GSE1: variants seen among roughly 807,000 people sequenced by gnomAD.
The protein encoded by GSE1 is genetic suppressor element 1.
In GSE1, 32 loss-of-function variants were observed where a neutral mutation model predicts 112.6. The ratio of observed to expected loss-of-function variants is 0.28; its 90% CI spans 0.21 to 0.38. The LOEUF (loss-of-function observed/expected upper bound fraction) is 0.38. Ranked by LOEUF, GSE1 falls within the 10% of genes least tolerant of loss-of-function variation. GSE1 has a pLI of 1.00. For missense variants in GSE1, 2,348 were observed against 1,699.2 expected, an observed-to-expected ratio of 1.38 and a Z score of -6.71; for synonymous variants, 1,115 against 735.6, an observed-to-expected ratio of 1.52 and a Z score of -8.35.
chr16:85,620,189 G>C (rs2048642315), intron 1 of GSE1, among the ~76,000 whole-genome samples: 1 of 152,200 alleles, frequency 6.6e-6, no homozygotes, highest in Admixed American at 6.5e-5. Context: ...AGGAGGCTGG[G>C]CAGGGAGGAT....
intron 2 of GSE1, among the ~76,000 whole-genome samples, chr16:85,372,643 A>G (rs572678722): frequency 6.6e-6 from 1 of 152,332 alleles, no homozygotes; most frequent in Non-Finnish European, 1.5e-5. Flanking sequence ...CAACCCGTCA[A>G]GGAGTCTGTG....
chr16:85,279,331 T>C (rs1233111118), intron 1 of GSE1, among the ~76,000 whole-genome samples: 1 of 152,188 alleles, frequency 6.6e-6, no homozygotes, highest in Non-Finnish European at 1.5e-5. Context: ...CATGGGGCTG[T>C]GTGTGGTGGC....
At chr16:85,491,997 C>A (rs939258382) in intron 2 of GSE1, among the ~76,000 whole-genome samples, 15 of 152,112 alleles carry the variant, frequency 9.9e-5, no homozygotes, top group Admixed American at 2.0e-4. Context: ...TTTCTGCTTA[C>A]CTGGGCACCA....
intron 2 of GSE1, among the ~76,000 whole-genome samples, chr16:85,523,443 C>G (rs1319426006): frequency 2.6e-5 from 4 of 152,216 alleles, no homozygotes; most frequent in African/African-American, 9.6e-5. Context: ...TGCCATCTGG[C>G]TGATGGAACA....
Position 85,634,143 on chromosome 16 carries a change from C to A in GSE1, c.226+11C>A, listed in dbSNP as rs774140695. On this transcript the variant is annotated intron_variant, in intron 2 of 15. Coordinates refer to ENST00000253458, the MANE Select transcript of GSE1 (RefSeq NM_014615.5). ...CGGAGGAGCCCAGAGGTAAGGGGGC[C>A]CGCCAGGCTGCGCGTGGGGGGAGCG... 6.9e-7 allele frequency: 1 copy of A among 1,446,168 alleles called. No homozygotes were observed. Among genetic ancestry groups the A allele is most frequent in the Non-Finnish European group, 9.0e-7 (1 of 1,107,064 alleles). 89.6% of individuals were successfully genotyped at this position (1,446,168 alleles called of 1,614,324 possible). A position where few individuals can be genotyped will look rare whatever the true frequency, so the allele number is the denominator to read the frequency against.
intron 3 of GSE1, among the ~76,000 whole-genome samples, chr16:85,653,029 A>AC (rs2051506948): frequency 6.6e-6 from 1 of 151,028 alleles, no homozygotes; most frequent in South Asian, 2.1e-4. Context: ...TGGCTCTCAG[A>AC]CACCCCCAGG....
Position 85,656,380 on chromosome 16 carries a change from CGCG to C in GSE1, c.1028_1030del (p.Arg343_Glu344delinsGln). On this transcript the variant is annotated inframe_deletion, in exon 7 of 16. Transcript: ENST00000253458. ...CGAGGAGCTAAGGCGGGAGAGGGAG[CGCG>C]AGCGCGAGCGCGAGCGTGAGCGTGA... 6.8e-7 allele frequency: 1 copy of C among 1,462,760 alleles called. No individual in the cohort carries two copies. The highest frequency in any genetic ancestry group is 9.2e-7 in the Non-Finnish European group (1 of 1,091,718). 90.6% of individuals were successfully genotyped at this position (1,462,760 alleles called of 1,614,324 possible).
chr16:85,235,355 C>A (rs374082054), intron 1 of GSE1, among the ~76,000 whole-genome samples: 3 of 151,178 alleles, frequency 2.0e-5, no homozygotes, highest in African/African-American at 7.3e-5. Flanking sequence ...CCCTCACCCC[C>A]CTCCCACCTC....
intron 12 of GSE1, among the ~76,000 whole-genome samples, chr16:85,665,370 G>A (rs974856892): frequency 2.6e-5 from 4 of 152,236 alleles, no homozygotes; most frequent in African/African-American, 9.6e-5. Context: ...TCTACGTGCT[G>A]GTCACTATGG....
In GSE1 at chr16:85,419,659, C is replaced by T. The variant is rs1035534671; in HGVS notation, c.2464+62016C>T. Among the ~76,000 whole-genome samples, 3 of 152,110 alleles carry T rather than the reference C, an allele frequency of 2.0e-5. No individual in the cohort carries two copies. The highest frequency in any genetic ancestry group is 4.4e-5 in the Non-Finnish European group (3 of 68,012). On this transcript the variant is annotated intron_variant, in intron 2 of 2. Coordinates refer to the GSE1 transcript ENST00000637419. The surrounding 1 kb of genome is among the most constrained non-coding windows in gnomAD (Gnocchi z 6.5). ...AAAAATAACATTATGCCAGAACATGCCAGCCTTTCTCATGCCTCGGGTGCA... is the reference window on the plus strand; with the variant it reads ...AAAAATAACATTATGCCAGAACATGTCAGCCTTTCTCATGCCTCGGGTGCA...
intron 1 of GSE1, among the ~76,000 whole-genome samples, chr16:85,252,689 C>T (rs990831427): frequency 6.6e-5 from 10 of 152,198 alleles, no homozygotes; most frequent in African/African-American, 2.2e-4. Flanking sequence ...GGTGTGGGGA[C>T]GGCACAGCAA....
In GSE1 at chr16:85,613,442, C is replaced by T. The variant is rs867132303; in HGVS notation, c.7+44C>T. The T allele has an allele frequency of 4.0e-6, 6 of 1,515,420 alleles. No individual in the cohort carries two copies. The South Asian group carries it at 4.8e-5, about 12-fold the overall frequency. 93.9% of individuals were successfully genotyped at this position (1,515,420 alleles called of 1,614,324 possible). ...GCCGGGGACGGGGTCCTCCCCCCTC[C>T]CCCCACCGCACTGTCCTCCTGCAAG... On this transcript the variant is annotated intron_variant, in intron 1 of 15. Transcript: ENST00000253458.
At chr16:85,645,824 T>A (rs548610005) in intron 2 of GSE1, among the ~76,000 whole-genome samples, 1 of 152,230 alleles carries the variant, frequency 6.6e-6, no homozygotes, top group African/African-American at 2.4e-5. Flanking sequence ...GCATTCTACC[T>A]GCTTCTACCA....
intron 1 of GSE1, among the ~76,000 whole-genome samples, chr16:85,200,597 G>A (rs908687567): frequency 3.9e-5 from 6 of 151,986 alleles, no homozygotes; most frequent in Non-Finnish European, 8.8e-5. Flanking sequence ...GTGTTTCAAG[G>A]GGCCCTGCTG....
At chr16:85,498,045 G>C (rs1597962235) in intron 2 of GSE1, among the ~76,000 whole-genome samples, 1 of 152,260 alleles carries the variant, frequency 6.6e-6, no homozygotes, top group African/African-American at 2.4e-5. Flanking sequence ...ACACCTCAGT[G>C]GGGTGGGGGT....
chr16:85,527,625 G>C (rs939380406), intron 2 of GSE1, among the ~76,000 whole-genome samples: 4 of 152,270 alleles, frequency 2.6e-5, no homozygotes, highest in Non-Finnish European at 5.9e-5. Flanking sequence ...GGAGTTCCGG[G>C]ACCAGCAGCC....
intron 1 of GSE1, among the ~76,000 whole-genome samples, chr16:85,292,243 A>C (rs1274427864): frequency 6.6e-6 from 1 of 151,184 alleles, no homozygotes; most frequent in African/African-American, 2.4e-5. Flanking sequence ...GGTTAAAGCA[A>C]TTCTCATACC....
chr16:85,622,526 A>G lies in GSE1; in HGVS notation c.7+9128A>G, dbSNP rs944272782. 3.3e-5 allele frequency among the ~76,000 whole-genome samples: 5 copies of G among 152,332 alleles called. No homozygotes were observed. In the East Asian group the frequency reaches 9.6e-4, roughly 29 times the overall value. On this transcript the variant is annotated intron_variant, in intron 1 of 15. Transcript: ENST00000253458. Reference sequence around the variant, plus strand: ...TACACATCTTCAAACACACGCTCCCACAGGGTTTACAGATAGGCTCTTCGA... The same window carrying G: ...TACACATCTTCAAACACACGCTCCCGCAGGGTTTACAGATAGGCTCTTCGA...
chr16:85,455,013 C>T (rs975213932), intron 2 of GSE1, among the ~76,000 whole-genome samples: 15 of 152,208 alleles, frequency 9.9e-5, no homozygotes, highest in African/African-American at 1.7e-4. Context: ...TCTGTGCAGG[C>T]ACCTTATGTT....
Sources: allele counts gnomAD v4.1 joint callset (sites outside exome capture counted in the v4.1 genomes callset), GRCh38; gene constraint gnomAD v4.1.1; non-coding constraint Gnocchi (gnomAD v3.1); transcripts MANE v1.5; gene names NCBI Gene and HGNC (gene_info 2026-07-23, HGNC 2026-07-21).